Variants in GABBR1 observed in about 807,000 individuals in gnomAD.
The protein encoded by GABBR1 is gamma-aminobutyric acid type B receptor subunit 1, also known as GABA-B receptor, R1 subunit.
GABBR1 carries 35 observed loss-of-function variants against 117.7 expected under a neutral mutation model. The ratio of observed to expected loss-of-function variants is 0.30; its 90% CI spans 0.23 to 0.39. The LOEUF is 0.39. Among genes scored for constraint, GABBR1 ranks in the 10% least tolerant of loss-of-function variants. GABBR1 has a pLI of 1.00. For missense variants in GABBR1, 709 were observed against 1,241.8 expected, an observed-to-expected ratio of 0.57 and a Z score of 6.45; for synonymous variants, 442 against 486.6, an observed-to-expected ratio of 0.91 and a Z score of 1.21.
Position 29,630,001 on chromosome 6 carries a change from C to A in GABBR1, c.475+457G>T, listed in dbSNP as rs1481735065. The A allele has an allele frequency of 6.4e-6, 1 of 156,214 alleles. No homozygotes were observed. The highest frequency in any genetic ancestry group is 2.4e-5 in the African/African-American group (1 of 41,502). The allele number at this position is 156,214 out of a possible 1,614,324, so 9.7% of individuals were successfully genotyped here. The stretch of plus-strand genomic sequence containing the variant: ...AATATGTTTCCACCCCCAGAGCTCC[C>A]CTTCTCAATTTTTCTTAGTAGAATG... On this transcript the variant is annotated intron_variant, in intron 4 of 22. Transcript: ENST00000377034. This position sits in a 1 kb window ranked among gnomAD's most constrained non-coding sequence, Gnocchi z 4.9.
chr6:29,626,790 T>A (rs1764319820), intron 6 of GABBR1, among the ~76,000 whole-genome samples: 1 of 152,044 alleles, frequency 6.6e-6, no homozygotes, highest in African/African-American at 2.4e-5. Context: ...CCCATGCTAT[T>A]GTGGGGGTTC....
Position 29,623,491 on chromosome 6 carries a change from A to T in GABBR1, c.793-16T>A. ...CATAGGAAAGCTGTGGGGCAGGGAG[A>T]GTGAGTGCAACAGGGTCTGTTCACT... is the stretch of plus-strand genomic sequence containing the variant. On this transcript the variant is annotated splice_polypyrimidine_tract_variant and intron_variant, in intron 7 of 22. Coordinates refer to ENST00000377034, the MANE Select transcript of GABBR1 (RefSeq NM_001470.4). This position sits in a 1 kb window ranked among gnomAD's most constrained non-coding sequence, Gnocchi z 6.2. The T allele has an allele frequency of 6.2e-7, 1 of 1,611,948 alleles. No homozygotes were observed. Among genetic ancestry groups the T allele is most frequent in the Non-Finnish European group, 8.5e-7 (1 of 1,179,540 alleles).
chr6:29,626,946 G>A (rs1764336702), intron 6 of GABBR1, among the ~76,000 whole-genome samples: 1 of 152,112 alleles, frequency 6.6e-6, no homozygotes, highest in Non-Finnish European at 1.5e-5. Context: ...AAGGAGTCAG[G>A]TAGGGCTCAC....
rs779589111 is a variant in GABBR1 at position 29,620,611 on chromosome 6, T to C, written c.1323+490A>G. Among the ~76,000 whole-genome samples, 1 of 151,812 alleles carries C rather than the reference T, an allele frequency of 6.6e-6. No individual in the cohort carries two copies. The highest frequency in any genetic ancestry group is 1.5e-5 in the Non-Finnish European group (1 of 67,964). ...CAAAAGCCCCTTCTCCACATAAAAT[T>C]CTAAAAAAAGAATCATTAAAAAAAG... is the stretch of plus-strand genomic sequence containing the variant. On this transcript the variant is annotated intron_variant, in intron 11 of 22. Transcript: ENST00000377034. The surrounding 1 kb of genome is among the most constrained non-coding windows in gnomAD (Gnocchi z 4.5).
In GABBR1 at chr6:29,623,163, G is replaced by T; in HGVS notation, c.963+142C>A. ...TCATTCTTTCCCCTGGCTACAGAAAGAACTGCACTTAATCCACATGGAATG... is the reference window on the plus strand; with the variant it reads ...TCATTCTTTCCCCTGGCTACAGAAATAACTGCACTTAATCCACATGGAATG... On this transcript the variant is annotated intron_variant, in intron 8 of 22. Coordinates refer to ENST00000377034, the MANE Select transcript of GABBR1 (RefSeq NM_001470.4). The surrounding 1 kb of genome is among the most constrained non-coding windows in gnomAD (Gnocchi z 6.2). 1 of 706,114 alleles carries T rather than the reference G, an allele frequency of 1.4e-6. No individual in the cohort carries two copies. Among genetic ancestry groups the T allele is most frequent in the Non-Finnish European group, 2.3e-6 (1 of 427,606 alleles). The allele number at this position is 706,114 out of a possible 1,614,324, so 43.7% of individuals were successfully genotyped here.
In GABBR1 at chr6:29,613,105, C is replaced by T. The variant is rs1016213892; in HGVS notation, c.1566+138G>A. ...GATGGGTTCTTCTAATTTGAAGGTC[C>T]CTACTTCTCTGGTCGGAGACTGATT... On this transcript the variant is annotated intron_variant, in intron 12 of 22. Coordinates refer to ENST00000377034, the MANE Select transcript of GABBR1 (RefSeq NM_001470.4). The surrounding 1 kb of genome is among the most constrained non-coding windows in gnomAD (Gnocchi z 4.1). 168 of 924,580 alleles carry T rather than the reference C, an allele frequency of 1.8e-4. No homozygotes were observed. Among genetic ancestry groups the T allele is most frequent in the Admixed American group, 3.5e-4 (15 of 42,312 alleles). 57.3% of individuals were successfully genotyped at this position (924,580 alleles called of 1,614,324 possible).
intron 12 of GABBR1, among the ~76,000 whole-genome samples, 184 bp from the exon 13 acceptor site, chr6:29,612,798 A>G (rs1462823499): frequency 6.6e-6 from 1 of 152,214 alleles, no homozygotes; most frequent in Non-Finnish European, 1.5e-5. Flanking sequence ...TAGAAACATT[A>G]TTCTTTGGAG....
chr6:29,622,013 C>G lies in GABBR1; in HGVS notation c.1065+91G>C. On this transcript the variant is annotated intron_variant, in intron 9 of 22. Coordinates refer to ENST00000377034, the MANE Select transcript of GABBR1 (RefSeq NM_001470.4). The surrounding 1 kb of genome is among the most constrained non-coding windows in gnomAD (Gnocchi z 4.6). ...ATGCTATTGCCTCAGAGAATCAAAACCTGCCCCCGCCTGGCTTTCCTCTCC... is the reference window on the plus strand; with the variant it reads ...ATGCTATTGCCTCAGAGAATCAAAAGCTGCCCCCGCCTGGCTTTCCTCTCC... 8.2e-7 allele frequency: 1 copy of G among 1,223,256 alleles called. No homozygotes were observed. Among genetic ancestry groups the G allele is most frequent in the East Asian group, 2.4e-5 (1 of 42,386 alleles). The allele number at this position is 1,223,256 out of a possible 1,614,324, so 75.8% of individuals were successfully genotyped here. A position where few individuals can be genotyped will look rare whatever the true frequency, so the allele number is the denominator to read the frequency against.
chr6:29,614,578 C>G (rs1251692427), intron 11 of GABBR1, among the ~76,000 whole-genome samples: 3 of 152,288 alleles, frequency 2.0e-5, no homozygotes, highest in Non-Finnish European at 4.4e-5. Context: ...TTTGAAGGAG[C>G]CTGGGCTTTG....
chr6:29,618,568 T>C (rs138122425), intron 11 of GABBR1, among the ~76,000 whole-genome samples: 83 of 152,320 alleles, frequency 5.4e-4, no homozygotes, highest in African/African-American at 1.9e-3. Context: ...AATGTATATC[T>C]TGAGGTAGCT....
At position 29,630,734 on chromosome 6, in the gene GABBR1, C is replaced by T; in HGVS notation, c.290-91G>A. 9.9e-7 allele frequency: 1 copy of T among 1,008,346 alleles called. No individual in the cohort carries two copies. The highest frequency in any genetic ancestry group is 1.5e-5 in the South Asian group (1 of 65,480). 62.5% of individuals were successfully genotyped at this position (1,008,346 alleles called of 1,614,324 possible). ...GGGGACTCAGGTGCAGGTTTGGGTC[C>T]ACAAGCATCCTGCTCTAAAGAAAAT... On this transcript the variant is annotated intron_variant, in intron 3 of 22. Coordinates refer to ENST00000377034, the MANE Select transcript of GABBR1 (RefSeq NM_001470.4). This position sits in a 1 kb window ranked among gnomAD's most constrained non-coding sequence, Gnocchi z 4.9.
chr6:29,608,950 C>T (rs1464343432), intron 15 of GABBR1, among the ~76,000 whole-genome samples: 1 of 152,172 alleles, frequency 6.6e-6, no homozygotes, highest in Non-Finnish European at 1.5e-5. Context: ...AGCACAGGCC[C>T]CCACTAGAAT....
rs1030588130 is a variant in GABBR1, at chr6:29,603,771, G to A, written c.2713-55C>T. Reference sequence around the variant, plus strand: ...GGAGAAGAGGAGGTGATGAAGGAGTGGGGAGGAGGGAAAGAGAGGAAGGGC... The same window carrying A: ...GGAGAAGAGGAGGTGATGAAGGAGTAGGGAGGAGGGAAAGAGAGGAAGGGC... On this transcript the variant is annotated intron_variant, in intron 22 of 22. Coordinates refer to ENST00000377034, the MANE Select transcript of GABBR1 (RefSeq NM_001470.4). The A allele has an allele frequency of 3.0e-6, 4 of 1,338,784 alleles. No individual in the cohort carries two copies. In the African/African-American group the frequency reaches 5.9e-5, roughly 20 times the overall value. 82.9% of individuals were successfully genotyped at this position (1,338,784 alleles called of 1,614,324 possible). A position where few individuals can be genotyped will look rare whatever the true frequency, so the allele number is the denominator to read the frequency against.
In GABBR1 at chr6:29,631,481, C is replaced by A; in HGVS notation, c.204G>T (p.Arg68=). Residue 68 remains arginine (R), a synonymous_variant, in exon 3 of 23, where the codon CGG becomes CGT. Coordinates refer to ENST00000377034, the MANE Select transcript of GABBR1 (RefSeq NM_001470.4). This position sits in a 1 kb window ranked among gnomAD's most constrained non-coding sequence, Gnocchi z 5.9. The stretch of plus-strand genomic sequence containing the variant: ...TGGGCCCCACCACCTCGCGCTCCCC[C>A]CGGCACACATACTCAATCTCATAGT... ...PVDYEIEYVC[R]GEREVVGPKV... is the part of the protein sequence containing the mutation. 1.2e-6 allele frequency: 2 copies of A among 1,614,218 alleles called. No individual in the cohort carries two copies. Among genetic ancestry groups the A allele is most frequent in the Non-Finnish European group, 1.7e-6 (2 of 1,180,042 alleles).
intron 6 of GABBR1, chr6:29,624,225 C>T (rs1764045934): frequency 1.9e-6 from 1 of 531,006 alleles, no homozygotes; most frequent in South Asian, 2.7e-5. Context: ...CCTTCTCTGT[C>T]TTCCATCTGG....
At position 29,605,851 on chromosome 6, in the gene GABBR1, C is replaced by T. The variant is rs1761895823; in HGVS notation, c.2312-155G>A. The T allele has an allele frequency of 1.2e-5, 10 of 831,458 alleles. No individual in the cohort carries two copies. Among genetic ancestry groups the T allele is most frequent in the Non-Finnish European group, 1.8e-5 (10 of 542,214 alleles). 51.5% of individuals were successfully genotyped at this position (831,458 alleles called of 1,614,324 possible). A position where few individuals can be genotyped will look rare whatever the true frequency, so the allele number is the denominator to read the frequency against. On this transcript the variant is annotated intron_variant, in intron 19 of 22. Transcript: ENST00000377034. This position sits in a 1 kb window ranked among gnomAD's most constrained non-coding sequence, Gnocchi z 4.2. Reference sequence around the variant, plus strand: ...GACCTAGCAAACCTCACCCTGTGTCCCCTATCCCTTATGTCCACCCAACTT... The same window carrying T: ...GACCTAGCAAACCTCACCCTGTGTCTCCTATCCCTTATGTCCACCCAACTT...
intron 5 of GABBR1, 89 bp downstream of exon 5, chr6:29,628,998 T>G: frequency 6.6e-7 from 1 of 1,505,854 alleles, no homozygotes; most frequent in South Asian, 1.1e-5. Context: ...CGACGCCCCG[T>G]AGCCTAAGGG....
At position 29,609,757 on chromosome 6, in the gene GABBR1, G is replaced by T. The variant is rs1343316294; in HGVS notation, c.1709-378C>A. ...AGGGGATCATTAAAAAATGTTATAA[G>T]GTTTCTTATAACCCAAATCAAAGTT... On this transcript the variant is annotated intron_variant, in intron 14 of 22. Transcript: ENST00000377034. This position sits in a 1 kb window ranked among gnomAD's most constrained non-coding sequence, Gnocchi z 4.3. 6.6e-6 allele frequency among the ~76,000 whole-genome samples: 1 copy of T among 151,570 alleles called. No homozygotes were observed. The highest frequency in any genetic ancestry group is 1.9e-4 in the East Asian group (1 of 5,174).
rs1765098280 is a variant in GABBR1 at position 29,632,432 on chromosome 6, G to T, written c.1-47C>A. 3.1e-6 allele frequency: 4 copies of T among 1,302,484 alleles called. No individual in the cohort carries two copies. In the Admixed American group the frequency reaches 1.2e-4, roughly 40 times the overall value. 80.7% of individuals were successfully genotyped at this position (1,302,484 alleles called of 1,614,324 possible). The stretch of plus-strand genomic sequence containing the variant: ...GGACTGGACCGAGCCCCGCCGGCGC[G>T]GCCCGCACCCGGAGACTACTCGACC... On this transcript the variant is annotated intron_variant, in intron 1 of 22. Coordinates refer to ENST00000377034, the MANE Select transcript of GABBR1 (RefSeq NM_001470.4). The surrounding 1 kb of genome is among the most constrained non-coding windows in gnomAD (Gnocchi z 5.8).
Sources: allele counts gnomAD v4.1 joint callset (sites outside exome capture counted in the v4.1 genomes callset), GRCh38; gene constraint gnomAD v4.1.1; non-coding constraint Gnocchi (gnomAD v3.1); transcripts MANE v1.5; gene names NCBI Gene and HGNC (gene_info 2026-07-23, HGNC 2026-07-21).